LRP1B: variants seen among roughly 807,000 people sequenced by gnomAD.
The protein encoded by LRP1B is LDL receptor related protein 1B.
In LRP1B, 217 loss-of-function variants were observed where a neutral mutation model predicts 556.6. The ratio of observed to expected loss-of-function variants is 0.39; its 90% CI spans 0.35 to 0.44. The LOEUF is 0.44. Ranked by LOEUF, LRP1B falls within the 20% of genes least tolerant of loss-of-function variation. The pLI, the probability that LRP1B is intolerant of heterozygous loss-of-function variation, is 1.00. For missense variants in LRP1B, 5,053 were observed against 5,620.8 expected (o/e 0.90, Z 3.23); for synonymous variants, 2,047 against 1,865.8 (o/e 1.10, Z -2.50).
intron 1 of LRP1B, among the ~76,000 whole-genome samples, chr2:141,931,406 C>T (rs1487076106): frequency 6.6e-6 from 1 of 151,728 alleles, no homozygotes; most frequent in Admixed American, 6.6e-5. Context: ...TGAAACCAGT[C>T]CAACTGGTAG....
chr2:141,275,198 A>G (rs1685239567), intron 3 of LRP1B, among the ~76,000 whole-genome samples: 1 of 152,248 alleles, frequency 6.6e-6, no homozygotes, highest in Non-Finnish European at 1.5e-5. Flanking sequence ...TTAAAATAGT[A>G]AAGTAAATAA....
chr2:140,563,382 T>C (rs1008883553), intron 43 of LRP1B, among the ~76,000 whole-genome samples: 6 of 151,526 alleles, frequency 4.0e-5, no homozygotes, highest in African/African-American at 7.3e-5. Flanking sequence ...TAATTCAAGC[T>C]ATATAAATGC....
rs971185822 is a variant in LRP1B, at chr2:141,974,978, T to A, written c.82+155670A>T. Among the ~76,000 whole-genome samples the A allele has an allele frequency of 3.9e-5, 6 of 152,106 alleles. No individual in the cohort carries two copies. In the East Asian group the frequency reaches 5.8e-4, roughly 15 times the overall value. On this transcript the variant is annotated intron_variant, in intron 1 of 90. Transcript: ENST00000389484. The stretch of plus-strand genomic sequence containing the variant: ...AAGTTATATTGCACATCCATTTTTT[T>A]ATTTTATTTTGAAATAATGTATTAT...
At chr2:142,078,949 T>G (rs1303426656) in intron 1 of LRP1B, among the ~76,000 whole-genome samples, 1 of 152,326 alleles carries the variant, frequency 6.6e-6, no homozygotes, top group East Asian at 1.9e-4. Context: ...TAAATAGTTC[T>G]AGCCTTAAAT....
At position 141,467,834 on chromosome 2, in the gene LRP1B, C is replaced by T. The variant is rs62166275; in HGVS notation, c.343+12562G>A. 5.4e-3 allele frequency among the ~76,000 whole-genome samples: 17 copies of T among 3,126 alleles called. 1 individual carries two copies. Among genetic ancestry groups the T allele is most frequent in the Non-Finnish European group, 0.027 (2 of 74 alleles). The allele number at this position is 3,126 out of a possible 152,430, so 2.1% of individuals were successfully genotyped here. A position where few individuals can be genotyped will look rare whatever the true frequency, so the allele number is the denominator to read the frequency against. On this transcript the variant is annotated intron_variant, in intron 3 of 90. Transcript: ENST00000389484. ...GTTTGTTTGTTTGTTTGTTTGTTTG[C>T]GGACCGGGGGGGGGGGAATTCCAGC...
intron 31 of LRP1B, among the ~76,000 whole-genome samples, chr2:140,815,711 C>T (rs1691093449): frequency 6.6e-6 from 1 of 152,044 alleles, no homozygotes. Context: ...GTACGTGATT[C>T]TACAATATAA....
At chr2:141,154,708 G>A (rs1702022709) in intron 7 of LRP1B, among the ~76,000 whole-genome samples, 1 of 151,794 alleles carries the variant, frequency 6.6e-6, no homozygotes, top group African/African-American at 2.4e-5. Context: ...GATAATCCAA[G>A]CCAGAATCAT....
intron 43 of LRP1B, among the ~76,000 whole-genome samples, chr2:140,583,682 T>C (rs2105144321): frequency 6.6e-6 from 1 of 152,240 alleles, no homozygotes; most frequent in East Asian, 1.9e-4. Context: ...ATTAAATGTA[T>C]TTTATATATT....
In LRP1B at chr2:140,444,623, G is replaced by T; in HGVS notation, c.10114C>A (p.Pro3372Thr). 1 of 1,613,972 alleles carries T rather than the reference G, an allele frequency of 6.2e-7. No homozygotes were observed. The highest frequency in any genetic ancestry group is 2.2e-5 in the East Asian group (1 of 44,828). Residue 3372 changes from proline (P) to threonine (T), a missense_variant, in exon 64 of 91, where the codon CCA becomes ACA. This residue lies in a region of LRP1B where 262 missense variants were observed against 395.1 expected (regional missense o/e 0.66). Coordinates refer to ENST00000389484, the MANE Select transcript of LRP1B (RefSeq NM_018557.3). ...FQCGTGLCAL[P>T]AFICDGENDC... ...TTCTCTCCATCACAGATGAAAGCTG[G>T]TAGAGCACAGAGTCCAGTCCCACAC...
chr2:141,023,328 G>A (rs1257680183), intron 11 of LRP1B, among the ~76,000 whole-genome samples: 2 of 151,716 alleles, frequency 1.3e-5, no homozygotes, highest in African/African-American at 4.8e-5. Flanking sequence ...TTACTTAAGT[G>A]AAAAATTCCT....
intron 23 of LRP1B, among the ~76,000 whole-genome samples, chr2:140,890,442 A>G (rs1693764534): frequency 6.6e-6 from 1 of 152,198 alleles, no homozygotes; most frequent in Non-Finnish European, 1.5e-5. Flanking sequence ...TCTTTGAACA[A>G]TGACCTTTAC....
At chr2:140,364,556 C>G in intron 72 of LRP1B, 105 bp downstream of exon 72, 2 of 1,341,070 alleles carry the variant, frequency 1.5e-6, no homozygotes, top group South Asian at 2.9e-5. Flanking sequence ...CTACCTAACC[C>G]CAGGATGGTA....
chr2:140,853,344 G>A (rs957553100), intron 27 of LRP1B, among the ~76,000 whole-genome samples: 18 of 152,156 alleles, frequency 1.2e-4, no homozygotes, highest in African/African-American at 4.1e-4. Context: ...TAAAACTACC[G>A]AGATTTTAAC....
chr2:140,465,181 C>G (rs1687493673), intron 60 of LRP1B, among the ~76,000 whole-genome samples: 2 of 152,032 alleles, frequency 1.3e-5, no homozygotes, highest in African/African-American at 4.8e-5. Flanking sequence ...AAAACAGGAG[C>G]AAGATGCACG....
intron 2 of LRP1B, among the ~76,000 whole-genome samples, chr2:141,658,176 GA>G (rs1056647662): frequency 3.9e-5 from 6 of 151,988 alleles, no homozygotes; most frequent in African/African-American, 4.8e-5. Context: ...AAAGGTAAAA[GA>G]AAAAAACTTT....
At chr2:141,857,066 A>T (rs1469387118) in intron 1 of LRP1B, among the ~76,000 whole-genome samples, 1 of 152,092 alleles carries the variant, frequency 6.6e-6, no homozygotes, top group Admixed American at 6.5e-5. Flanking sequence ...GCCATATATA[A>T]ATCACTACCA....
In LRP1B at chr2:141,557,237, GAAAC is replaced by G. The variant is rs543159296; in HGVS notation, c.206-76708_206-76705del. ...AAAACTCTACCACAAAGACACACAGGAAACAAACAAACAACAACGAAACGAAGAG... is the reference window on the plus strand; with the variant it reads ...AAAACTCTACCACAAAGACACACAGGAAACAAACAACAACGAAACGAAGAG... On this transcript the variant is annotated intron_variant, in intron 2 of 90. Transcript: ENST00000389484. 1.9e-4 allele frequency among the ~76,000 whole-genome samples: 29 copies of G among 151,770 alleles called. 1 individual carries two copies. Among genetic ancestry groups the G allele is most frequent in the Non-Finnish European group, 2.8e-4 (19 of 67,814 alleles).
intron 83 of LRP1B, among the ~76,000 whole-genome samples, chr2:140,306,912 G>T (rs1573764930): frequency 6.6e-6 from 1 of 151,746 alleles, no homozygotes; most frequent in Non-Finnish European, 1.5e-5. Context: ...ATTTCGTTAT[G>T]TACCCAGTAG....
intron 27 of LRP1B, among the ~76,000 whole-genome samples, chr2:140,860,995 TATCTATCTATC>T (rs1559161462): frequency 1.4e-4 from 22 of 151,986 alleles, no homozygotes; most frequent in African/African-American, 4.8e-4. Context: ...TCTATCTATC[TATCTATCTATC>T]TATCTATCTA....
Sources: allele counts gnomAD v4.1 joint callset (sites outside exome capture counted in the v4.1 genomes callset), GRCh38; gene constraint gnomAD v4.1.1; regional missense constraint gnomAD v4.1.1; transcripts MANE v1.5; gene names NCBI Gene and HGNC (gene_info 2026-07-23, HGNC 2026-07-21).